Variants in SAV1 observed in about 807,000 individuals in gnomAD.
SAV1 encodes salvador family WW domain containing protein 1.
A neutral mutation model predicts 47.3 loss-of-function variants in SAV1; 23 were observed. The observed-to-expected ratio is 0.49, with a 90% confidence interval of 0.35 to 0.69. The LOEUF (loss-of-function observed/expected upper bound fraction) is 0.69, where lower values mean the gene tolerates loss of function less well. Ranked by LOEUF, SAV1 falls within the 30% of genes least tolerant of loss-of-function variation. The probability of loss-of-function intolerance (pLI) is 0.01; values close to 1 mark genes in which losing one functional copy is unlikely to be tolerated. For synonymous variants in SAV1, 155 were observed against 159.2 expected (o/e 0.97, Z 0.20); for missense variants, 448 against 457.4 (o/e 0.98, Z 0.19).
chr14:50,642,560 T>C (rs1395995306), intron 3 of SAV1, among the ~76,000 whole-genome samples: 1 of 151,374 alleles, frequency 6.6e-6, no homozygotes, highest in African/African-American at 2.4e-5. Context: ...TGATAATCTG[T>C]ACCAAATCCC....
At chr14:50,663,427 C>G (rs1027145739) in intron 2 of SAV1, among the ~76,000 whole-genome samples, 5 of 152,102 alleles carry the variant, frequency 3.3e-5, no homozygotes, top group African/African-American at 9.7e-5. Context: ...TCAGAAATAA[C>G]CAAAATAAAC....
In SAV1 at chr14:50,667,973, TCGA is replaced by T. The variant is rs2039918432; in HGVS notation, c.-9_-7del. 8 of 1,607,720 alleles carry T rather than the reference TCGA, an allele frequency of 5.0e-6. No homozygotes were observed. The highest frequency in any genetic ancestry group is 6.8e-6 in the Non-Finnish European group (8 of 1,177,776). Reference sequence around the variant, plus strand: ...GTTTTCTTTCGGGACAGCATCCTTCTCGACGAGGCCCGAGGCCGCGCTGAACTG... The same window carrying T: ...GTTTTCTTTCGGGACAGCATCCTTCTCGAGGCCCGAGGCCGCGCTGAACTG... On this transcript the variant is annotated 5_prime_UTR_variant, in exon 1 of 5. Transcript: ENST00000324679.
Position 50,668,005 on chromosome 14 carries a change from C to T in SAV1, c.-38G>A, listed in dbSNP as rs1242341173. On this transcript the variant is annotated 5_prime_UTR_variant, in exon 1 of 5. Coordinates refer to ENST00000324679, the MANE Select transcript of SAV1 (RefSeq NM_021818.4). ...GGCCCGAGGCCGCGCTGAACTGCCT[C>T]CCTAGGGCTCCGCGCCGGGCGCCGG... 3 of 1,486,692 alleles carry T rather than the reference C, an allele frequency of 2.0e-6. No homozygotes were observed. Among genetic ancestry groups the T allele is most frequent in the South Asian group, 1.3e-5 (1 of 76,034 alleles). 92.1% of individuals were successfully genotyped at this position (1,486,692 alleles called of 1,614,324 possible).
chr14:50,635,097 T>G lies in SAV1; in HGVS notation c.*86A>C. ...ATAATTTCCACAAAGGAAGCAGCATTTATTAACCAGAGTACTTGTTTGCAA... is the reference window on the plus strand; with the variant it reads ...ATAATTTCCACAAAGGAAGCAGCATGTATTAACCAGAGTACTTGTTTGCAA... On this transcript the variant is annotated 3_prime_UTR_variant, in exon 5 of 5. Coordinates refer to ENST00000324679, the MANE Select transcript of SAV1 (RefSeq NM_021818.4). 1 of 883,712 alleles carries G rather than the reference T, an allele frequency of 1.1e-6. No homozygotes were observed. Among genetic ancestry groups the G allele is most frequent in the Non-Finnish European group, 1.8e-6 (1 of 559,654 alleles). The allele number at this position is 883,712 out of a possible 1,614,324, so 54.7% of individuals were successfully genotyped here.
Sources: allele counts gnomAD v4.1 joint callset (sites outside exome capture counted in the v4.1 genomes callset), GRCh38; gene constraint gnomAD v4.1.1; transcripts MANE v1.5; gene names NCBI Gene and HGNC (gene_info 2026-07-23, HGNC 2026-07-21).